The following MEGF10 variants were observed in gnomAD, a reference collection of about 807,000 sequenced individuals.
The protein encoded by MEGF10 is multiple EGF like domains 10.
MEGF10 carries 86 observed loss-of-function variants against 147.5 expected under a neutral mutation model. The observed-to-expected ratio is 0.58, with a 90% confidence interval of 0.49 to 0.70. The LOEUF (loss-of-function observed/expected upper bound fraction) is 0.70, where lower values mean the gene tolerates loss of function less well. Ranked by LOEUF, MEGF10 falls within the 30% of genes least tolerant of loss-of-function variation. The pLI, the probability that MEGF10 is intolerant of heterozygous loss-of-function variation, is 0.00. For synonymous variants in MEGF10, 478 were observed against 525.5 expected, an observed-to-expected ratio of 0.91 and a Z score of 1.24; for missense variants, 1,329 against 1,487.3, an observed-to-expected ratio of 0.89 and a Z score of 1.75.
At chr5:127,396,446 G>C in intron 5 of MEGF10, 86 bp from the exon 6 acceptor site, 2 of 1,434,394 alleles carry the variant, frequency 1.4e-6, no homozygotes, top group Non-Finnish European at 1.9e-6. Flanking sequence ...GGCCATGAGA[G>C]GTCACCAAGC....
chr5:127,288,329 A>G (rs572280141), upstream of MEGF10, among the ~76,000 whole-genome samples: 1 of 152,236 alleles, frequency 6.6e-6, no homozygotes, highest in Non-Finnish European at 1.5e-5. Context: ...CTGGGAGTGT[A>G]TATTGGTTAT....
intron 5 of MEGF10, among the ~76,000 whole-genome samples, chr5:127,384,371 CATCTT>C (rs1473303297): frequency 1.3e-5 from 2 of 152,186 alleles, no homozygotes; most frequent in Non-Finnish European, 2.9e-5. Context: ...TATAGCAAGA[CATCTT>C]ATAAGGGCTC....
the MEGF10 span, among the ~76,000 whole-genome samples, chr5:127,277,342 G>C: frequency 2.0e-5 from 3 of 152,156 alleles, no homozygotes; most frequent in African/African-American, 7.2e-5. Context: ...GGGTGCTCTT[G>C]CCTCAATTCA....
At position 127,396,932 on chromosome 5, in the gene MEGF10, G is replaced by T. The variant is rs191727880; in HGVS notation, c.659+154G>T. On this transcript the variant is annotated intron_variant, in intron 6 of 24. Coordinates refer to ENST00000503335, the MANE Select transcript of MEGF10 (RefSeq NM_001256545.2). Reference sequence around the variant, plus strand: ...GCAGGCACAGTTATAGAGGTCAGCAGTGATGGCCACTAGGTGCTGCTGCTG... The same window carrying T: ...GCAGGCACAGTTATAGAGGTCAGCATTGATGGCCACTAGGTGCTGCTGCTG... Among the ~76,000 whole-genome samples the T allele has an allele frequency of 6.6e-5, 10 of 152,358 alleles. No individual in the cohort carries two copies. In the East Asian group the frequency reaches 1.9e-3, roughly 29 times the overall value.
intron 19 of MEGF10, among the ~76,000 whole-genome samples, chr5:127,445,064 G>A (rs62373915): frequency 0.088 from 13,380 of 152,262 alleles, 818 homozygotes; most frequent in Middle Eastern, 0.14. Flanking sequence ...AAATCCTACT[G>A]TTGAATCTCT....
rs147147541 is a variant in MEGF10, at chr5:127,376,541, G to A, written c.412+6539G>A. ...TATCAGGGGTGCTGGTGGGCAATGG[G>A]ATGGAGAATCTGAGGAAGTCTATAT... On this transcript the variant is annotated intron_variant, in intron 5 of 24. Coordinates refer to ENST00000503335, the MANE Select transcript of MEGF10 (RefSeq NM_001256545.2). 2.3e-3 allele frequency among the ~76,000 whole-genome samples: 343 copies of A among 152,278 alleles called. 3 individuals carry two copies. The highest frequency in any genetic ancestry group is 7.6e-3 in the African/African-American group (317 of 41,554).
Position 127,355,837 on chromosome 5 carries a change from T to C in MEGF10, c.320-14073T>C, listed in dbSNP as rs544986317. On this transcript the variant is annotated intron_variant, in intron 4 of 24. Transcript: ENST00000503335. Reference sequence around the variant, plus strand: ...CCTCAATCTAAACAGAAGGAGATCATATCTGCTGCCTATTTTTTTTTTTCT... The same window carrying C: ...CCTCAATCTAAACAGAAGGAGATCACATCTGCTGCCTATTTTTTTTTTTCT... 1.1e-4 allele frequency among the ~76,000 whole-genome samples: 16 copies of C among 151,682 alleles called. No individual in the cohort carries two copies. In the South Asian group the frequency reaches 2.9e-3, roughly 27 times the overall value.
At chr5:127,396,457 C>T (rs1338905792) in intron 5 of MEGF10, 75 bp from the exon 6 acceptor site, 9 of 1,468,958 alleles carry the variant, frequency 6.1e-6, no homozygotes, top group Non-Finnish European at 7.3e-6. Flanking sequence ...GTCACCAAGC[C>T]ATTCTCCCCG....
rs200077341 is a variant in MEGF10 at position 127,391,079 on chromosome 5, TAC to T, written c.413-5447_413-5446del. ...GTCTTTATGTGTATATATACATACA[TAC>T]ACACATGCGCGCGCGCGCGCGCACA... On this transcript the variant is annotated intron_variant, in intron 5 of 24. Transcript: ENST00000503335. Among the ~76,000 whole-genome samples, 808 of 117,492 alleles carry T rather than the reference TAC, an allele frequency of 6.9e-3. 12 individuals carry two copies. The highest frequency in any genetic ancestry group is 0.028 in the African/African-American group (756 of 27,162). 77.1% of individuals were successfully genotyped at this position (117,492 alleles called of 152,430 possible). A position where few individuals can be genotyped will look rare whatever the true frequency, so the allele number is the denominator to read the frequency against.
chr5:127,430,166 A>T (rs1765345907), intron 13 of MEGF10, among the ~76,000 whole-genome samples: 1 of 152,092 alleles, frequency 6.6e-6, no homozygotes, highest in Non-Finnish European at 1.5e-5. Flanking sequence ...TTCTGTGGTC[A>T]TTATCACCCT....
At chr5:127,356,074 AC>A (rs1762271844) in intron 4 of MEGF10, among the ~76,000 whole-genome samples, 2 of 152,234 alleles carry the variant, frequency 1.3e-5, no homozygotes, top group Admixed American at 1.3e-4. Flanking sequence ...TTTTTATTGT[AC>A]TATGGTTCAA....
chr5:127,448,234 A>G (rs1766023180), intron 21 of MEGF10, among the ~76,000 whole-genome samples: 1 of 152,226 alleles, frequency 6.6e-6, no homozygotes, highest in South Asian at 2.1e-4. Flanking sequence ...TCACATAGCA[A>G]CAACCTAATA....
rs367575625 is a variant in MEGF10 at position 127,391,096 on chromosome 5, G to A, written c.413-5436G>A. ...TACATACATACACACATGCGCGCGC[G>A]CGCGCGCACACACACACACACACAC... On this transcript the variant is annotated intron_variant, in intron 5 of 24. Coordinates refer to ENST00000503335, the MANE Select transcript of MEGF10 (RefSeq NM_001256545.2). Among the ~76,000 whole-genome samples the A allele has an allele frequency of 5.8e-4, 17 of 29,360 alleles. 1 individual carries two copies. Among genetic ancestry groups the A allele is most frequent in the Non-Finnish European group, 1.5e-3 (12 of 8,178 alleles). The allele number at this position is 29,360 out of a possible 152,430, so 19.3% of individuals were successfully genotyped here. A position where few individuals can be genotyped will look rare whatever the true frequency, so the allele number is the denominator to read the frequency against.
intron 18 of MEGF10, among the ~76,000 whole-genome samples, chr5:127,441,261 G>A (rs975620784): frequency 6.6e-6 from 1 of 152,218 alleles, no homozygotes; most frequent in Non-Finnish European, 1.5e-5. Context: ...GTGGGGAGGA[G>A]GGCTGGTGGC....
chr5:127,264,752 A>G, the MEGF10 span, among the ~76,000 whole-genome samples: 4 of 152,156 alleles, frequency 2.6e-5, no homozygotes, highest in Admixed American at 2.6e-4. Flanking sequence ...TGAAAGAAAA[A>G]TAAAGAAAAA....
chr5:127,265,399 T>C, the MEGF10 span, among the ~76,000 whole-genome samples: 1 of 152,318 alleles, frequency 6.6e-6, no homozygotes, highest in East Asian at 1.9e-4. Flanking sequence ...TGTGTCTTTA[T>C]AGCAGCATGA....
intron 1 of MEGF10, among the ~76,000 whole-genome samples, chr5:127,321,525 G>T (rs152121): frequency 0.47 from 71,783 of 151,902 alleles, 18,000 homozygotes; most frequent in Middle Eastern, 0.63. Flanking sequence ...TAAGATTTTG[G>T]TTTTACAGAA....
the MEGF10 span, among the ~76,000 whole-genome samples, chr5:127,237,049 C>T: frequency 6.6e-6 from 1 of 152,136 alleles, no homozygotes; most frequent in African/African-American, 2.4e-5. Context: ...AAAGAAATCC[C>T]AGAAATGTCT....
intron 1 of MEGF10, among the ~76,000 whole-genome samples, chr5:127,315,322 C>G (rs1218063228): frequency 6.6e-6 from 1 of 151,764 alleles, no homozygotes; most frequent in Non-Finnish European, 1.5e-5. Flanking sequence ...GCATTTATGC[C>G]CACCTGTGCA....
Sources: allele counts gnomAD v4.1 joint callset (sites outside exome capture counted in the v4.1 genomes callset), GRCh38; gene constraint gnomAD v4.1.1; transcripts MANE v1.5; gene names NCBI Gene and HGNC (gene_info 2026-07-23, HGNC 2026-07-21).